Variants in PDE7B observed in about 807,000 individuals in gnomAD.
PDE7B encodes the protein 3',5'-cyclic-AMP phosphodiesterase 7B.
A neutral mutation model predicts 56.2 loss-of-function variants in PDE7B; 29 were observed. That is an observed-to-expected ratio of 0.52 (90% CI 0.38 to 0.70). The LOEUF (loss-of-function observed/expected upper bound fraction) is 0.70. PDE7B is among the 30% of genes least tolerant of loss of function. PDE7B has a pLI of 0.00. For missense variants in PDE7B, 490 were observed against 565.0 expected (o/e 0.87, Z 1.35); for synonymous variants, 197 against 196.9 (o/e 1.00, Z 0.00).
At chr6:135,921,295 AT>A (rs1774075590) in intron 1 of PDE7B, among the ~76,000 whole-genome samples, 1 of 152,174 alleles carries the variant, frequency 6.6e-6, no homozygotes. Flanking sequence ...GGACAGATAT[AT>A]TCAGGAGGCT....
intron 2 of PDE7B, among the ~76,000 whole-genome samples, chr6:136,026,390 A>T (rs6904355): frequency 0.45 from 68,435 of 152,044 alleles, 15,650 homozygotes; most frequent in Admixed American, 0.54. Flanking sequence ...GTCATGACCC[A>T]GGTGGCAGTG....
intron 2 of PDE7B, among the ~76,000 whole-genome samples, chr6:135,966,405 C>T (rs117138109): frequency 1.3e-5 from 2 of 152,186 alleles, no homozygotes; most frequent in Admixed American, 6.5e-5. Context: ...AGAGAAGCCT[C>T]TCCTTTTTCC....
intron 1 of PDE7B, among the ~76,000 whole-genome samples, chr6:135,933,859 C>T (rs1487856382): frequency 6.6e-6 from 1 of 152,030 alleles, no homozygotes; most frequent in Admixed American, 6.6e-5. Flanking sequence ...CATTTGTATT[C>T]CTTTTCTTAA....
At chr6:135,972,233 C>CAAAAAAAAAAAAAAAAAAAAAAAAAA (rs72005772) in intron 2 of PDE7B, among the ~76,000 whole-genome samples, 1 of 65,168 alleles carries the variant, frequency 1.5e-5, no homozygotes, top group Non-Finnish European at 2.7e-5. Context: ...AAACTGTTCT[C>CAAAAAAAAAAAAAAAAAAAAAAAAAA]AAAAAAAAAA....
intron 2 of PDE7B, among the ~76,000 whole-genome samples, chr6:135,989,010 A>G (rs936221326): frequency 6.6e-6 from 1 of 152,210 alleles, no homozygotes; most frequent in Admixed American, 6.5e-5. Context: ...CAGTTTCTAC[A>G]CTATAGTCCA....
At chr6:135,994,472 TATTA>T (rs1041955916) in intron 2 of PDE7B, among the ~76,000 whole-genome samples, 3 of 152,142 alleles carry the variant, frequency 2.0e-5, no homozygotes, top group Non-Finnish European at 4.4e-5. Context: ...AATATTTAAT[TATTA>T]ATTAATCTTT....
intron 1 of PDE7B, among the ~76,000 whole-genome samples, chr6:135,854,417 CTCTA>C (rs1265025164): frequency 1.3e-5 from 2 of 152,246 alleles, no homozygotes; most frequent in East Asian, 1.9e-4. Context: ...ATTGGAAACT[CTCTA>C]TCTACAGAAA....
chr6:135,951,147 C>CG (rs1233109459), intron 2 of PDE7B, among the ~76,000 whole-genome samples: 1 of 152,162 alleles, frequency 6.6e-6, no homozygotes, highest in Non-Finnish European at 1.5e-5. Flanking sequence ...ATATATGTTG[C>CG]TTTCTTTTTT....
intron 2 of PDE7B, among the ~76,000 whole-genome samples, chr6:136,105,514 T>C (rs1777632109): frequency 6.6e-6 from 1 of 152,196 alleles, no homozygotes; most frequent in South Asian, 2.1e-4. Context: ...TACTTTGGGT[T>C]GTTGGGTTGA....
chr6:136,065,543 A>C (rs1425749846), intron 2 of PDE7B, among the ~76,000 whole-genome samples: 1 of 152,184 alleles, frequency 6.6e-6, no homozygotes, highest in Non-Finnish European at 1.5e-5. Context: ...TTTAACTTCA[A>C]TTTCAGAAGC....
At chr6:136,081,774 T>G (rs1777209541) in intron 2 of PDE7B, among the ~76,000 whole-genome samples, 2 of 152,260 alleles carry the variant, frequency 1.3e-5, no homozygotes, top group Admixed American at 1.3e-4. Flanking sequence ...TGCTGAGCAC[T>G]GCAAATACAA....
chr6:136,090,176 T>C (rs139815455), intron 2 of PDE7B, among the ~76,000 whole-genome samples: 2 of 152,122 alleles, frequency 1.3e-5, no homozygotes, highest in East Asian at 1.9e-4. Flanking sequence ...TCTTCTTCCA[T>C]TGGGTGGGGT....
intron 1 of PDE7B, among the ~76,000 whole-genome samples, chr6:135,910,359 C>T (rs1337317885): frequency 6.6e-6 from 1 of 152,212 alleles, no homozygotes; most frequent in African/African-American, 2.4e-5. Context: ...CTGTCAGTAA[C>T]ACCGAGGTTA....
intron 3 of PDE7B, among the ~76,000 whole-genome samples, chr6:136,144,044 C>G (rs1404596635): frequency 1.3e-5 from 2 of 151,916 alleles, no homozygotes; most frequent in Non-Finnish European, 2.9e-5. Context: ...AAAAGATCAT[C>G]TATATTTTCT....
At chr6:136,154,046 G>A in intron 6 of PDE7B, 29 bp from the exon 7 acceptor site, 2 of 1,520,824 alleles carry the variant, frequency 1.3e-6, no homozygotes, top group East Asian at 2.3e-5. Context: ...TTGGGTTTTA[G>A]TTGATTGAGT....
intron 1 of PDE7B, among the ~76,000 whole-genome samples, chr6:135,931,155 A>G (rs906058642): frequency 2.6e-5 from 4 of 152,208 alleles, no homozygotes; most frequent in Admixed American, 1.3e-4. Flanking sequence ...AAAGACTAGT[A>G]ATGATTTCCT....
At chr6:136,167,751 T>G (rs1562511416) in intron 8 of PDE7B, among the ~76,000 whole-genome samples, 1 of 152,222 alleles carries the variant, frequency 6.6e-6, no homozygotes, top group Non-Finnish European at 1.5e-5. Flanking sequence ...ATTTGTTGAA[T>G]GAAATCAAGT....
At position 136,087,829 on chromosome 6, in the gene PDE7B, G is replaced by A. The variant is rs916455015; in HGVS notation, c.83-20902G>A. Reference sequence around the variant, plus strand: ...TCTGGTTTAGGGGTTGTAATGCAACGTAGCCATGTGGCAAGCAGAGTTATG... The same window carrying A: ...TCTGGTTTAGGGGTTGTAATGCAACATAGCCATGTGGCAAGCAGAGTTATG... On this transcript the variant is annotated intron_variant, in intron 2 of 12. Coordinates refer to ENST00000308191, the MANE Select transcript of PDE7B (RefSeq NM_018945.4). Among the ~76,000 whole-genome samples the A allele has an allele frequency of 5.9e-5, 9 of 152,186 alleles. No individual in the cohort carries two copies. The East Asian group carries it at 7.7e-4, about 13-fold the overall frequency.
chr6:136,020,557 A>C (rs549449500), intron 2 of PDE7B, among the ~76,000 whole-genome samples: 1 of 152,272 alleles, frequency 6.6e-6, no homozygotes, highest in South Asian at 2.1e-4. Context: ...CTGCTGATTA[A>C]ATTCAAGCCT....
Sources: allele counts gnomAD v4.1 joint callset (sites outside exome capture counted in the v4.1 genomes callset), GRCh38; gene constraint gnomAD v4.1.1; transcripts MANE v1.5; gene names NCBI Gene and HGNC (gene_info 2026-07-23, HGNC 2026-07-21).